The following TNRC18 variants were observed in gnomAD, a reference collection of about 807,000 sequenced individuals.
TNRC18 encodes the protein trinucleotide repeat containing 18.
In TNRC18, 69 loss-of-function variants were observed where a neutral mutation model predicts 226.7. The observed-to-expected ratio is 0.30, with a 90% CI of 0.25 to 0.37. TNRC18 has a LOEUF of 0.37. TNRC18 is among the 10% of genes least tolerant of loss of function. TNRC18 has a pLI of 1.00. For synonymous variants in TNRC18, 2,449 were observed against 1,927.6 expected, an observed-to-expected ratio of 1.27 and a Z score of -7.09; for missense variants, 4,754 against 4,256.6, an observed-to-expected ratio of 1.12 and a Z score of -3.25.
At chr7:5,345,983 C>T (rs1791149128) in intron 17 of TNRC18, among the ~76,000 whole-genome samples, 173 bp from the exon 18 acceptor site, 3 of 152,204 alleles carry the variant, frequency 2.0e-5, no homozygotes, top group African/African-American at 4.8e-5. Context: ...CATCCGATGG[C>T]CCAATGCCCC....
intron 18 of TNRC18, among the ~76,000 whole-genome samples, chr7:5,335,006 G>A (rs1303351717): frequency 6.6e-6 from 1 of 152,074 alleles, no homozygotes; most frequent in Non-Finnish European, 1.5e-5. Context: ...GAAGAGAATA[G>A]AAAGCGAGCC....
chr7:5,415,244 G>T (rs1782104177), intron 2 of TNRC18, among the ~76,000 whole-genome samples: 1 of 151,944 alleles, frequency 6.6e-6, no homozygotes, highest in African/African-American at 2.4e-5. Flanking sequence ...TCTGCCCTTT[G>T]CATGCAGGAA....
rs757340206 is a variant in TNRC18 at position 5,313,799 on chromosome 7, C to T, written c.7092G>A (p.Leu2364=). 2.6e-6 allele frequency: 4 copies of T among 1,530,818 alleles called. No individual in the cohort carries two copies. In the African/African-American group the frequency reaches 4.2e-5, roughly 16 times the overall value. The allele number at this position is 1,530,818 out of a possible 1,614,324, so 94.8% of individuals were successfully genotyped here. Residue 2364 remains leucine, a synonymous_variant, in exon 27 of 30, where the codon CTG becomes CTA. Coordinates refer to ENST00000430969, the MANE Select transcript of TNRC18 (RefSeq NM_001080495.3). The part of the protein sequence containing the change: ...TDEVPSTPLA[L]EPSSTPGSKK... The stretch of plus-strand genomic sequence containing the variant: ...TGGAACCTGGGGTGCTGCTCGGCTC[C>T]AGGGCTAAGGGGGTACTGGGGACCT...
intron 26 of TNRC18, among the ~76,000 whole-genome samples, chr7:5,314,563 C>CTTTTTTT (rs67183154): frequency 1.3e-5 from 1 of 79,642 alleles, no homozygotes; most frequent in African/African-American, 5.4e-5. Context: ...GAGTTCTCTT[C>CTTTTTTT]TTTTTTTTTT....
chr7:5,395,594 C>T (rs879648106), intron 2 of TNRC18, among the ~76,000 whole-genome samples: 5 of 152,228 alleles, frequency 3.3e-5, no homozygotes, highest in African/African-American at 7.2e-5. Flanking sequence ...CCCTGGCGCA[C>T]GGGGCTTCCC....
Position 5,388,840 on chromosome 7 carries a change from C to A in TNRC18, c.984G>T (p.Pro328=). 8.2e-7 allele frequency: 1 copy of A among 1,216,832 alleles called. No individual in the cohort carries two copies. The allele number at this position is 1,216,832 out of a possible 1,614,324, so 75.4% of individuals were successfully genotyped here. ...GGGGCAGCGGTGAGGGGCAGGGGCGCGGCCCAGGGAGCAGGGTCTCCGTGC... is the reference window on the plus strand; with the variant it reads ...GGGGCAGCGGTGAGGGGCAGGGGCGAGGCCCAGGGAGCAGGGTCTCCGTGC... The part of the protein sequence containing the change: ...LRRTETLLPG[P]RPCPSPLPPP... The change falls in exon 5 of 30, where the codon CCG becomes CCT. Residue 328 remains proline, a synonymous_variant. Transcript: ENST00000430969.
chr7:5,388,908 T>G lies in TNRC18; in HGVS notation c.916A>C (p.Lys306Gln), dbSNP rs1780045766. 2 of 1,365,698 alleles carry G rather than the reference T, an allele frequency of 1.5e-6. No individual in the cohort carries two copies. The highest frequency in any genetic ancestry group is 6.3e-5 in the Admixed American group (2 of 31,732). The allele number at this position is 1,365,698 out of a possible 1,614,324, so 84.6% of individuals were successfully genotyped here. ...LVAEAGRGGA[K>Q]EAARQDEGAR... Reference sequence around the variant, plus strand: ...CCCTCGTCCTGCCGGGCAGCCTCCTTGGCACCCCCGCGCCCCGCTTCGGCC... The same window carrying G: ...CCCTCGTCCTGCCGGGCAGCCTCCTGGGCACCCCCGCGCCCCGCTTCGGCC... Residue 306 changes from lysine to glutamine, a missense_variant, in exon 5 of 30, where the codon AAG (lysine) becomes CAG (glutamine). Transcript: ENST00000430969.
chr7:5,357,486 A>G (rs1172863259), intron 15 of TNRC18, among the ~76,000 whole-genome samples: 3 of 151,902 alleles, frequency 2.0e-5, no homozygotes, highest in African/African-American at 7.2e-5. Context: ...ATCTCGGCTC[A>G]CTGCAACCTC....
intron 19 of TNRC18, among the ~76,000 whole-genome samples, chr7:5,327,372 C>CGTGCGT (rs1554273803): frequency 4.2e-5 from 6 of 142,810 alleles, no homozygotes; most frequent in African/African-American, 1.5e-4. Flanking sequence ...TGTGTTTGTG[C>CGTGCGT]GTGTGTGTGT....
In TNRC18 at chr7:5,308,870, C is replaced by T; in HGVS notation, c.8700+5G>A. The T allele has an allele frequency of 6.3e-7, 1 of 1,576,618 alleles. No individual in the cohort carries two copies. The highest frequency in any genetic ancestry group is 1.2e-5 in the South Asian group (1 of 86,786). ...CCGCCCACCACCACCACCACCACCA[C>T]CTACCTCCATGAAGTCCTTCCTCTG... On this transcript the variant is annotated splice_donor_5th_base_variant and intron_variant, in intron 29 of 29. Transcript: ENST00000430969.
chr7:5,392,230 G>A (rs754802068), intron 3 of TNRC18, among the ~76,000 whole-genome samples: 5 of 151,620 alleles, frequency 3.3e-5, no homozygotes, highest in Non-Finnish European at 5.9e-5. Context: ...TTGGGAGGCC[G>A]AGTTGGGTGG....
chr7:5,353,690 T>TACC (rs1186460243), intron 16 of TNRC18, among the ~76,000 whole-genome samples: 1 of 151,406 alleles, frequency 6.6e-6, no homozygotes, highest in African/African-American at 2.4e-5. Flanking sequence ...GACACACCCC[T>TACC]ACCTCCTTGT....
chr7:5,393,714 G>T (rs920489310), intron 3 of TNRC18, among the ~76,000 whole-genome samples: 1 of 152,174 alleles, frequency 6.6e-6, no homozygotes, highest in Non-Finnish European at 1.5e-5. Flanking sequence ...AGGTCTGCAG[G>T]CCCATTCCTT....
Position 5,357,132 on chromosome 7 carries a change from C to A in TNRC18, c.4978G>T (p.Gly1660Trp). ...DSAGGKSKTS[G>W]GCGRYLTPYD... ...GGAGTCAAGTACCTGCCGCAGCCCC[C>A]GCTAGTTTTCGATTTCCCCCCAGCA... The change falls in exon 16 of 30, where the codon GGG becomes TGG. Residue 1660 changes from glycine (G) to tryptophan (W), a missense_variant. Coordinates refer to ENST00000430969, the MANE Select transcript of TNRC18 (RefSeq NM_001080495.3). 1.3e-6 allele frequency: 2 copies of A among 1,560,692 alleles called. No homozygotes were observed. Among genetic ancestry groups the A allele is most frequent in the Non-Finnish European group, 1.7e-6 (2 of 1,151,624 alleles).
intron 3 of TNRC18, among the ~76,000 whole-genome samples, chr7:5,390,863 G>T (rs541089658): frequency 1.4e-3 from 218 of 152,110 alleles, no homozygotes; most frequent in African/African-American, 5.0e-3. Context: ...CCAGAAAGAG[G>T]ATCAGAATGG....
chr7:5,310,784 T>A (rs1787096307), intron 27 of TNRC18, among the ~76,000 whole-genome samples: 1 of 152,256 alleles, frequency 6.6e-6, no homozygotes, highest in Non-Finnish European at 1.5e-5. Flanking sequence ...ATGCAGGTGC[T>A]CCTGCCCCAC....
At chr7:5,366,512 T>C (rs982005891) in intron 11 of TNRC18, among the ~76,000 whole-genome samples, 9 of 151,894 alleles carry the variant, frequency 5.9e-5, no homozygotes, top group African/African-American at 1.7e-4. Context: ...TTAGTAGAGA[T>C]GGGGTTTCCC....
Position 5,332,681 on chromosome 7 carries a change from C to A in TNRC18, c.6088G>T (p.Gly2030Cys), listed in dbSNP as rs539842587. ...GCGTCCTTGCGCGGGCTCAGGGGGCCGCCCTTGGCGCAGCGGCTGGTCTTG... is the reference window on the plus strand; with the variant it reads ...GCGTCCTTGCGCGGGCTCAGGGGGCAGCCCTTGGCGCAGCGGCTGGTCTTG... ...ATKTSRCAKG[G>C]PLSPRKDAGR... Residue 2030 changes from glycine (G) to cysteine (C), a missense_variant, in exon 19 of 30, where the codon GGC becomes TGC. Gly to Cys is a radical substitution (Grantham distance 159, BLOSUM62 -3). Transcript: ENST00000430969. 8 of 1,529,794 alleles carry A rather than the reference C, an allele frequency of 5.2e-6. No individual in the cohort carries two copies. Among genetic ancestry groups the A allele is most frequent in the Middle Eastern group, 2.3e-4 (1 of 4,378 alleles). 94.8% of individuals were successfully genotyped at this position (1,529,794 alleles called of 1,614,324 possible). A position where few individuals can be genotyped will look rare whatever the true frequency, so the allele number is the denominator to read the frequency against.
At chr7:5,408,822 G>A (rs897195879) in intron 2 of TNRC18, among the ~76,000 whole-genome samples, 8 of 152,260 alleles carry the variant, frequency 5.3e-5, no homozygotes, top group African/African-American at 9.6e-5. Context: ...CAGGGATCAC[G>A]GAAAAGCTGA....
Sources: allele counts gnomAD v4.1 joint callset (sites outside exome capture counted in the v4.1 genomes callset), GRCh38; gene constraint gnomAD v4.1.1; transcripts MANE v1.5; gene names NCBI Gene and HGNC (gene_info 2026-07-23, HGNC 2026-07-21).